COL26A1: variants seen among roughly 807,000 people sequenced by gnomAD.
COL26A1 encodes the protein collagen alpha-1(XXVI) chain.
A neutral mutation model predicts 59.3 loss-of-function variants in COL26A1; 41 were observed. The observed-to-expected ratio is 0.69, with a 90% CI of 0.54 to 0.90. COL26A1 has a LOEUF of 0.90. COL26A1 is among the 40% of genes least tolerant of loss of function. COL26A1 has a pLI of 0.00. For missense variants in COL26A1, 612 were observed against 602.3 expected (o/e 1.02, Z -0.17); for synonymous variants, 266 against 256.0 (o/e 1.04, Z -0.37).
intron 2 of COL26A1, among the ~76,000 whole-genome samples, chr7:101,438,144 C>T (rs1052583475): frequency 5.3e-5 from 8 of 151,322 alleles, no homozygotes; most frequent in Non-Finnish European, 3.0e-5. Flanking sequence ...GGCGGATCAC[C>T]TGAGGTCGGG....
chr7:101,440,147 C>G (rs1216556979), intron 2 of COL26A1, among the ~76,000 whole-genome samples: 1 of 152,042 alleles, frequency 6.6e-6, no homozygotes, highest in African/African-American at 2.4e-5. Context: ...GGGCAGATCA[C>G]CTGAGGTCAG....
At position 101,394,875 on chromosome 7, in the gene COL26A1, T is replaced by C. The variant is rs1406027257; in HGVS notation, c.159-25102T>C. 5.0e-5 allele frequency among the ~76,000 whole-genome samples: 7 copies of C among 140,386 alleles called. 1 individual carries two copies. The highest frequency in any genetic ancestry group is 7.8e-5 in the Non-Finnish European group (5 of 64,154). The allele number at this position is 140,386 out of a possible 152,430, so 92.1% of individuals were successfully genotyped here. ...AGCGGTTTCTTTTTCTTTTCTTTTT[T>C]TTTTTTTTTTTTTTTTGAGACAGAG... On this transcript the variant is annotated intron_variant, in intron 1 of 12. Coordinates refer to ENST00000313669, the MANE Select transcript of COL26A1 (RefSeq NM_001278563.3).
rs556448804 is a variant in COL26A1, at chr7:101,383,136, C to G, written c.158+19946C>G. Among the ~76,000 whole-genome samples the G allele has an allele frequency of 5.7e-3, 765 of 134,830 alleles. 2 individuals carry two copies. The highest frequency in any genetic ancestry group is 8.3e-3 in the Non-Finnish European group (547 of 65,840). 88.5% of individuals were successfully genotyped at this position (134,830 alleles called of 152,430 possible). A position where few individuals can be genotyped will look rare whatever the true frequency, so the allele number is the denominator to read the frequency against. ...CTCCATTGACTCAGAGTTTTTTAGA[C>G]TTAGGCATTTTATCATTTTTATTGC... On this transcript the variant is annotated intron_variant, in intron 1 of 12. Transcript: ENST00000313669.
chr7:101,458,013 C>T (rs545176002), intron 3 of COL26A1, among the ~76,000 whole-genome samples: 1 of 151,744 alleles, frequency 6.6e-6, no homozygotes, highest in African/African-American at 2.4e-5. Context: ...TCTCCTGCCT[C>T]AGCCTCCCAA....
At chr7:101,530,767 TG>T in intron 3 of COL26A1, among the ~76,000 whole-genome samples, 1 of 151,996 alleles carries the variant, frequency 6.6e-6, no homozygotes, top group East Asian at 2.0e-4. Context: ...CTGCCCCATC[TG>T]GGGCATTTTG....
intron 3 of COL26A1, among the ~76,000 whole-genome samples, chr7:101,490,779 A>G (rs1794440670): frequency 6.6e-6 from 1 of 151,980 alleles, no homozygotes; most frequent in Non-Finnish European, 1.5e-5. Context: ...TGGGCGGACC[A>G]CCTGAGGTCA....
At chr7:101,484,857 T>TTAAG (rs1306019591) in intron 3 of COL26A1, among the ~76,000 whole-genome samples, 1 of 150,322 alleles carries the variant, frequency 6.7e-6, no homozygotes, top group African/African-American at 2.4e-5. Context: ...AATTAATTAA[T>TTAAG]TAATTAATTT....
At chr7:101,440,987 A>AAG (rs1793044517) in intron 2 of COL26A1, among the ~76,000 whole-genome samples, 1 of 151,036 alleles carries the variant, frequency 6.6e-6, no homozygotes, top group Non-Finnish European at 1.5e-5. Context: ...AAAAAAAAAA[A>AAG]AAAGAAAGAA....
chr7:101,476,568 GA>G (rs1031678861), intron 3 of COL26A1, among the ~76,000 whole-genome samples: 1 of 143,626 alleles, frequency 7.0e-6, no homozygotes, highest in Non-Finnish European at 1.5e-5. Flanking sequence ...TTTTTTTTGA[GA>G]CGGAGTCTCG....
chr7:101,444,862 G>T (rs1056179316), intron 2 of COL26A1, among the ~76,000 whole-genome samples: 3 of 150,968 alleles, frequency 2.0e-5, no homozygotes, highest in Non-Finnish European at 4.4e-5. Context: ...TATTTTTTTT[G>T]AGATGGAGTC....
intron 1 of COL26A1, among the ~76,000 whole-genome samples, chr7:101,389,409 T>A (rs1791670753): frequency 7.0e-6 from 1 of 141,874 alleles, no homozygotes; most frequent in Non-Finnish European, 1.5e-5. Flanking sequence ...AGATGGAGTC[T>A]CACTCTGAAG....
At chr7:101,508,616 C>T (rs1794860783) in intron 3 of COL26A1, among the ~76,000 whole-genome samples, 1 of 151,868 alleles carries the variant, frequency 6.6e-6, no homozygotes, top group Non-Finnish European at 1.5e-5. Flanking sequence ...AACATTGGCC[C>T]CTCTCTCCTA....
intron 3 of COL26A1, among the ~76,000 whole-genome samples, chr7:101,531,754 G>T (rs1380301159): frequency 6.6e-6 from 1 of 152,076 alleles, no homozygotes; most frequent in African/African-American, 2.4e-5. Context: ...ATCTATTGCA[G>T]AGGAATCGCC....
chr7:101,367,887 C>G (rs530354920), intron 1 of COL26A1, among the ~76,000 whole-genome samples: 1 of 152,296 alleles, frequency 6.6e-6, no homozygotes, highest in East Asian at 1.9e-4. Flanking sequence ...TATTCTGTTA[C>G]GGCAACCTTG....
intron 2 of COL26A1, among the ~76,000 whole-genome samples, chr7:101,446,246 G>C (rs542050083): frequency 1.8e-4 from 28 of 152,022 alleles, no homozygotes; most frequent in Non-Finnish European, 3.5e-4. Flanking sequence ...ATTTCAACCT[G>C]AGATCTGGAG....
At chr7:101,398,956 G>A (rs1035026687) in intron 1 of COL26A1, among the ~76,000 whole-genome samples, 33 of 152,222 alleles carry the variant, frequency 2.2e-4, no homozygotes, top group African/African-American at 7.9e-4. Flanking sequence ...TGGGTGGGCT[G>A]CACAGGGGGA....
At chr7:101,426,311 C>T (rs1290494944) in intron 2 of COL26A1, among the ~76,000 whole-genome samples, 1 of 152,058 alleles carries the variant, frequency 6.6e-6, no homozygotes, top group Non-Finnish European at 1.5e-5. Flanking sequence ...CTTGTGTCAT[C>T]ACTATAAATG....
intron 3 of COL26A1, among the ~76,000 whole-genome samples, chr7:101,490,022 C>T (rs1024667359): frequency 4.7e-5 from 7 of 150,246 alleles, no homozygotes; most frequent in Middle Eastern, 3.4e-3. Context: ...CTGCAACCTC[C>T]GCCTCCCAGG....
intron 3 of COL26A1, among the ~76,000 whole-genome samples, chr7:101,462,532 G>A (rs113538684): frequency 0.26 from 40,015 of 151,280 alleles, 5,713 homozygotes; most frequent in Middle Eastern, 0.34. Flanking sequence ...AGTCAGGCTG[G>A]TCTCGAACTC....
Sources: allele counts gnomAD v4.1 joint callset (sites outside exome capture counted in the v4.1 genomes callset), GRCh38; gene constraint gnomAD v4.1.1; transcripts MANE v1.5; gene names NCBI Gene and HGNC (gene_info 2026-07-23, HGNC 2026-07-21).